Variants in MCU observed in about 807,000 individuals in gnomAD.
The protein encoded by MCU is mitochondrial calcium uniporter.
Under a neutral mutation model 45.2 loss-of-function variants are expected in MCU, and 12 were observed. That is an observed-to-expected ratio of 0.27 (90% CI 0.17 to 0.43). The LOEUF (loss-of-function observed/expected upper bound fraction) is 0.43, where lower values mean the gene tolerates loss of function less well. MCU is among the 20% of genes least tolerant of loss of function. The probability of loss-of-function intolerance (pLI) is 1.00; values close to 1 mark genes in which losing one functional copy is unlikely to be tolerated. For synonymous variants in MCU, 160 were observed against 165.1 expected (o/e 0.97, Z 0.24); for missense variants, 324 against 436.7 (o/e 0.74, Z 2.30).
chr10:72,857,526 C>T (rs1239258025), intron 2 of MCU, among the ~76,000 whole-genome samples: 1 of 152,048 alleles, frequency 6.6e-6, no homozygotes, highest in Non-Finnish European at 1.5e-5. Context: ...GCATGAGCCA[C>T]CATGCCTGGC....
chr10:72,703,117 G>A (rs1419897383), intron 1 of MCU, among the ~76,000 whole-genome samples: 2 of 152,190 alleles, frequency 1.3e-5, no homozygotes, highest in Non-Finnish European at 2.9e-5. Context: ...CCACTGGTTT[G>A]TTACAACTGG....
intron 1 of MCU, among the ~76,000 whole-genome samples, chr10:72,714,252 A>G (rs372515981): frequency 6.7e-6 from 1 of 149,288 alleles, no homozygotes; most frequent in East Asian, 1.9e-4. Context: ...GGCATGAGCT[A>G]CCACGCCTGG....
chr10:72,696,818 G>T (rs553318061), intron 1 of MCU, among the ~76,000 whole-genome samples: 1 of 152,092 alleles, frequency 6.6e-6, no homozygotes, highest in African/African-American at 2.4e-5. Flanking sequence ...CCCCAGTTTG[G>T]CTTGCTTAAT....
chr10:72,692,452 T>G (rs1842634815), intron 1 of MCU, 151 bp downstream of exon 1: 2 of 513,270 alleles, frequency 3.9e-6, no homozygotes, highest in Non-Finnish European at 4.9e-6. Context: ...GCCGTGCCCT[T>G]CAGGCGCCTG....
chr10:72,796,309 C>T (rs747708327), intron 1 of MCU, among the ~76,000 whole-genome samples: 3 of 151,940 alleles, frequency 2.0e-5, no homozygotes, highest in African/African-American at 7.3e-5. Context: ...TGTGATGGCA[C>T]GCACCTGTAG....
In MCU at chr10:72,885,726, C is replaced by T. The variant is rs757503223; in HGVS notation, c.979-19C>T. On this transcript the variant is annotated intron_variant, in intron 7 of 7. Transcript: ENST00000373053. Reference sequence around the variant, plus strand: ...AAAGCTTCACTAGCCAGTTTTCTCACCTTTTGTTTCTATTTTAGGCAGAAA... The same window carrying T: ...AAAGCTTCACTAGCCAGTTTTCTCATCTTTTGTTTCTATTTTAGGCAGAAA... 1.1e-5 allele frequency: 17 copies of T among 1,581,766 alleles called. No individual in the cohort carries two copies. The highest frequency in any genetic ancestry group is 1.5e-5 in the Non-Finnish European group (17 of 1,152,106).
chr10:72,767,215 T>C (rs949575787), intron 1 of MCU, among the ~76,000 whole-genome samples: 1 of 152,120 alleles, frequency 6.6e-6, no homozygotes, highest in African/African-American at 2.4e-5. Context: ...GGTTTAAGAC[T>C]TCAGGAGTTT....
intron 1 of MCU, among the ~76,000 whole-genome samples, chr10:72,759,543 C>A (rs1843625443): frequency 6.6e-6 from 1 of 152,036 alleles, no homozygotes; most frequent in African/African-American, 2.4e-5. Context: ...GGTCTCCTCC[C>A]TTAATCTTAT....
intron 1 of MCU, among the ~76,000 whole-genome samples, chr10:72,796,861 A>G (rs1844255984): frequency 6.6e-6 from 1 of 152,134 alleles, no homozygotes; most frequent in African/African-American, 2.4e-5. Flanking sequence ...AGAATTATTT[A>G]ACAGAGTTTC....
intron 1 of MCU, among the ~76,000 whole-genome samples, chr10:72,803,974 C>G (rs1432767468): frequency 8.1e-6 from 1 of 123,336 alleles, no homozygotes; most frequent in African/African-American, 2.9e-5. Context: ...TGTATTCTTT[C>G]TTAATCTGTA....
chr10:72,747,329 A>C (rs555274056), intron 1 of MCU, among the ~76,000 whole-genome samples: 1 of 152,348 alleles, frequency 6.6e-6, no homozygotes, highest in East Asian at 1.9e-4. Flanking sequence ...AAAAGTAAGG[A>C]GTAGTGCATT....
chr10:72,837,920 A>G (rs1352355786), intron 2 of MCU, among the ~76,000 whole-genome samples: 2 of 147,900 alleles, frequency 1.4e-5, no homozygotes, highest in African/African-American at 5.0e-5. Context: ...GCAGTGGCGC[A>G]ATCTCGGCTC....
Position 72,722,750 on chromosome 10 carries a change from C to A in MCU, c.150+30449C>A, listed in dbSNP as rs1002295917. On this transcript the variant is annotated intron_variant, in intron 1 of 7. Coordinates refer to ENST00000373053, the MANE Select transcript of MCU (RefSeq NM_138357.3). Reference sequence around the variant, plus strand: ...TAAGAAATAGAGACAAAATCTGTTTCTTTTTTATGAGGCCTTTTGTTACTT... The same window carrying A: ...TAAGAAATAGAGACAAAATCTGTTTATTTTTTATGAGGCCTTTTGTTACTT... Among the ~76,000 whole-genome samples, 3 of 151,960 alleles carry A rather than the reference C, an allele frequency of 2.0e-5. No individual in the cohort carries two copies. In the South Asian group the frequency reaches 6.2e-4, roughly 31 times the overall value.
At chr10:72,707,987 T>C (rs916314872) in intron 1 of MCU, among the ~76,000 whole-genome samples, 11 of 152,174 alleles carry the variant, frequency 7.2e-5, no homozygotes, top group African/African-American at 2.2e-4. Context: ...AAAAAAACTT[T>C]TAAAATTATA....
intron 1 of MCU, among the ~76,000 whole-genome samples, chr10:72,813,700 C>G (rs184974788): frequency 1.3e-5 from 2 of 152,170 alleles, no homozygotes; most frequent in East Asian, 3.9e-4. Flanking sequence ...CTCAAGTGAT[C>G]TGCCCGCCTC....
intron 1 of MCU, among the ~76,000 whole-genome samples, chr10:72,792,474 A>G (rs1844177044): frequency 6.6e-6 from 1 of 152,190 alleles, no homozygotes; most frequent in Non-Finnish European, 1.5e-5. Flanking sequence ...GAAGAAATTT[A>G]GAACAAAGAA....
rs367836426 is a variant in MCU, at chr10:72,772,622, G to A, written c.151-61737G>A. ...TGAGGCACGAGAATTGCTTGAACCTGGGAGGCAGAGGTTGCAATGAGCTGA... is the reference window on the plus strand; with the variant it reads ...TGAGGCACGAGAATTGCTTGAACCTAGGAGGCAGAGGTTGCAATGAGCTGA... On this transcript the variant is annotated intron_variant, in intron 1 of 7. Coordinates refer to ENST00000373053, the MANE Select transcript of MCU (RefSeq NM_138357.3). Among the ~76,000 whole-genome samples, 6 of 152,158 alleles carry A rather than the reference G, an allele frequency of 3.9e-5. 1 individual carries two copies. The East Asian group carries it at 7.7e-4, about 20-fold the overall frequency.
intron 1 of MCU, among the ~76,000 whole-genome samples, chr10:72,828,896 C>G (rs1698123397): frequency 1.3e-5 from 2 of 152,130 alleles, no homozygotes; most frequent in South Asian, 4.1e-4. Context: ...CTTTTAGTTC[C>G]AAGTCCCTGA....
intron 1 of MCU, among the ~76,000 whole-genome samples, chr10:72,747,769 G>A (rs1843435405): frequency 1.3e-5 from 2 of 151,994 alleles, no homozygotes; most frequent in African/African-American, 2.4e-5. Flanking sequence ...CTGGGAGGTC[G>A]CAGCTGCAGT....
Sources: allele counts gnomAD v4.1 joint callset (sites outside exome capture counted in the v4.1 genomes callset), GRCh38; gene constraint gnomAD v4.1.1; transcripts MANE v1.5; gene names NCBI Gene and HGNC (gene_info 2026-07-23, HGNC 2026-07-21).